The following COG5 variants were observed in gnomAD, a reference collection of about 807,000 sequenced individuals.
The protein encoded by COG5 is conserved oligomeric Golgi complex subunit 5.
In COG5, 86 loss-of-function variants were observed where a neutral mutation model predicts 110.4. That is an observed-to-expected ratio of 0.78 (90% CI 0.65 to 0.93). COG5 has a LOEUF of 0.93. COG5 is among the 40% of genes least tolerant of loss of function. The probability of loss-of-function intolerance (pLI) is 0.00; values close to 1 mark genes in which losing one functional copy is unlikely to be tolerated. For missense variants in COG5, 1,077 were observed against 987.0 expected (o/e 1.09, Z -1.22); for synonymous variants, 360 against 334.6 (o/e 1.08, Z -0.83).
intron 17 of COG5, among the ~76,000 whole-genome samples, chr7:107,237,185 C>G (rs1053708865): frequency 6.6e-6 from 1 of 152,204 alleles, no homozygotes; most frequent in Non-Finnish European, 1.5e-5. Context: ...ATCAGTCCAA[C>G]AGAATTCTGA....
At chr7:107,516,244 T>A (rs1406213741) in intron 6 of COG5, among the ~76,000 whole-genome samples, 2 of 152,230 alleles carry the variant, frequency 1.3e-5, no homozygotes, top group Admixed American at 1.3e-4. Context: ...TTGAGCATGT[T>A]TACAGATGCG....
At chr7:107,228,432 C>T (rs942916200) in intron 19 of COG5, among the ~76,000 whole-genome samples, 20 of 151,952 alleles carry the variant, frequency 1.3e-4, no homozygotes, top group African/African-American at 4.6e-4. Flanking sequence ...CCAGCCAGGG[C>T]AACATTTTAT....
chr7:107,215,142 T>C (rs960577530), intron 19 of COG5, among the ~76,000 whole-genome samples: 7 of 151,932 alleles, frequency 4.6e-5, no homozygotes, highest in Non-Finnish European at 1.0e-4. Flanking sequence ...AAAACAACAA[T>C]CTAGAGTAGA....
At chr7:107,410,321 T>A (rs1792187189) in intron 7 of COG5, among the ~76,000 whole-genome samples, 1 of 152,114 alleles carries the variant, frequency 6.6e-6, no homozygotes, top group Admixed American at 6.5e-5. Flanking sequence ...ACATCTTTGA[T>A]CAATTTAATA....
chr7:107,350,741 T>A (rs1812067496), intron 10 of COG5, among the ~76,000 whole-genome samples: 1 of 152,190 alleles, frequency 6.6e-6, no homozygotes, highest in South Asian at 2.1e-4. Context: ...TTAAGGATCA[T>A]GTTAGCCACT....
At chr7:107,227,211 T>G (rs771103304) in intron 19 of COG5, among the ~76,000 whole-genome samples, 19 of 152,080 alleles carry the variant, frequency 1.2e-4, no homozygotes, top group Non-Finnish European at 2.6e-4. Flanking sequence ...GAAATAGAAA[T>G]GTTAGAGGTT....
At chr7:107,529,828 T>C (rs1801059976) in intron 5 of COG5, among the ~76,000 whole-genome samples, 1 of 152,176 alleles carries the variant, frequency 6.6e-6, no homozygotes, top group East Asian at 1.9e-4. Flanking sequence ...TCGAATTCTT[T>C]CTTCTGAGGA....
chr7:107,297,226 A>G (rs937472711), intron 12 of COG5, among the ~76,000 whole-genome samples: 2 of 152,194 alleles, frequency 1.3e-5, no homozygotes, highest in Non-Finnish European at 2.9e-5. Flanking sequence ...GGCTGTAATG[A>G]AACATTTATT....
In COG5 at chr7:107,422,453, G is replaced by A. The variant is rs903654486; in HGVS notation, c.539-9821C>T. 1.5e-4 allele frequency among the ~76,000 whole-genome samples: 23 copies of A among 152,172 alleles called. No homozygotes were observed. In the South Asian group the frequency reaches 1.7e-3, roughly 11 times the overall value. On this transcript the variant is annotated intron_variant, in intron 6 of 21. Coordinates refer to ENST00000297135, the MANE Select transcript of COG5 (RefSeq NM_006348.5). ...GAGGCAGCAGAATCGCTTGAACCCCGGAGGCGGAGGTTGCAGTGAGCTGTG... is the reference window on the plus strand; with the variant it reads ...GAGGCAGCAGAATCGCTTGAACCCCAGAGGCGGAGGTTGCAGTGAGCTGTG...
At chr7:107,271,219 C>G (rs368608662) in intron 14 of COG5, among the ~76,000 whole-genome samples, 1 of 152,032 alleles carries the variant, frequency 6.6e-6, no homozygotes, top group South Asian at 2.1e-4. Flanking sequence ...TGCATCTAGC[C>G]TGGGCAACAC....
intron 6 of COG5, among the ~76,000 whole-genome samples, chr7:107,449,071 G>A (rs951922663): frequency 1.2e-4 from 18 of 152,052 alleles, no homozygotes; most frequent in Admixed American, 3.9e-4. Context: ...AAAATTAACT[G>A]TAGTACGAAA....
At chr7:107,259,043 C>T (rs1359518258) in intron 14 of COG5, among the ~76,000 whole-genome samples, 1 of 151,966 alleles carries the variant, frequency 6.6e-6, no homozygotes, top group Non-Finnish European at 1.5e-5. Flanking sequence ...AAACTTTCTA[C>T]ACTTGACCTT....
intron 11 of COG5, among the ~76,000 whole-genome samples, chr7:107,303,562 C>T (rs1195336415): frequency 3.3e-5 from 5 of 151,770 alleles, no homozygotes; most frequent in Admixed American, 6.6e-5. Context: ...GTAGCTGGGA[C>T]CATAGATATG....
intron 11 of COG5, among the ~76,000 whole-genome samples, chr7:107,310,059 T>C (rs1371762573): frequency 6.6e-6 from 1 of 152,230 alleles, no homozygotes; most frequent in Non-Finnish European, 1.5e-5. Context: ...CTTAACAATC[T>C]TGACCTCTCC....
At chr7:107,215,676 CA>C (rs1799472612) in intron 19 of COG5, among the ~76,000 whole-genome samples, 1 of 151,796 alleles carries the variant, frequency 6.6e-6, no homozygotes, top group African/African-American at 2.4e-5. Context: ...AACAAACAAA[CA>C]AACAAACAAA....
chr7:107,354,881 T>C lies in COG5; in HGVS notation c.1026+7152A>G, dbSNP rs780640626. ...TCAGTGGTAGCAAATCATACCTATC[T>C]GATAGCAGGTCAAAATTCTTAATTA... is the stretch of plus-strand genomic sequence containing the variant. On this transcript the variant is annotated intron_variant, in intron 10 of 21. Transcript: ENST00000297135. Among the ~76,000 whole-genome samples the C allele has an allele frequency of 1.8e-4, 28 of 152,334 alleles. No homozygotes were observed. The South Asian group carries it at 2.1e-3, about 11-fold the overall frequency.
intron 7 of COG5, among the ~76,000 whole-genome samples, chr7:107,387,523 T>G (rs1790298479): frequency 1.3e-5 from 2 of 152,218 alleles, no homozygotes; most frequent in African/African-American, 4.8e-5. Context: ...TAAGTAAAAT[T>G]TAAGAATTTG....
intron 19 of COG5, among the ~76,000 whole-genome samples, chr7:107,225,004 G>A (rs1323678474): frequency 6.6e-6 from 1 of 152,250 alleles, no homozygotes; most frequent in African/African-American, 2.4e-5. Flanking sequence ...ATGGCTGCAT[G>A]ATGGGGGAAG....
intron 14 of COG5, among the ~76,000 whole-genome samples, chr7:107,260,255 A>G (rs1460211944): frequency 6.6e-6 from 1 of 152,166 alleles, no homozygotes; most frequent in Non-Finnish European, 1.5e-5. Context: ...AAAGAAATAA[A>G]GTTCTGATAC....
Sources: gnomAD v4.1 joint callset for allele counts (sites outside exome capture counted in the v4.1 genomes callset) on GRCh38, gnomAD v4.1.1 for gene constraint, MANE v1.5 for transcripts, NCBI Gene and HGNC (gene_info 2026-07-23, HGNC 2026-07-21) for gene names.